The following LDAH variants were observed in gnomAD, a reference collection of about 807,000 sequenced individuals.
LDAH encodes the protein lipid droplet-associated hydrolase.
A neutral mutation model predicts 29.6 loss-of-function variants in LDAH; 26 were observed. The ratio of observed to expected loss-of-function variants is 0.88; its 90% CI spans 0.64 to 1.22. The LOEUF (loss-of-function observed/expected upper bound fraction) is 1.22. Ranked by LOEUF, LDAH falls within the 50% of genes most tolerant of loss-of-function variation. LDAH has a pLI of 0.00. For missense variants in LDAH, 344 were observed against 387.3 expected (o/e 0.89, Z 0.94); for synonymous variants, 117 against 133.0 (o/e 0.88, Z 0.83).
At chr2:20,791,974 G>A (rs1255898767) in intron 2 of LDAH, among the ~76,000 whole-genome samples, 1 of 151,906 alleles carries the variant, frequency 6.6e-6, no homozygotes, top group East Asian at 1.9e-4. Context: ...GGACCATACT[G>A]TCTTAATTAC....
chr2:20,771,384 CAA>C (rs1669402399), intron 4 of LDAH, among the ~76,000 whole-genome samples: 2 of 152,292 alleles, frequency 1.3e-5, no homozygotes, highest in Admixed American at 1.3e-4. Flanking sequence ...GATGGAAACA[CAA>C]GTTTCTTATT....
chr2:20,783,996 T>C (rs1341154067), intron 3 of LDAH, among the ~76,000 whole-genome samples: 7 of 152,170 alleles, frequency 4.6e-5, no homozygotes, highest in Non-Finnish European at 1.0e-4. Flanking sequence ...TACGGGCGTG[T>C]ATAACTGTGC....
In LDAH at chr2:20,684,815, C is replaced by A. The variant is rs913880179; in HGVS notation, c.*2088G>T. The A allele has an allele frequency of 7.3e-6, 11 of 1,510,246 alleles. No homozygotes were observed. In the Middle Eastern group the frequency reaches 1.9e-3, roughly 258 times the overall value. 93.6% of individuals were successfully genotyped at this position (1,510,246 alleles called of 1,614,324 possible). On this transcript the variant is annotated 3_prime_UTR_variant, in exon 7 of 7. Coordinates refer to ENST00000237822, the MANE Select transcript of LDAH (RefSeq NM_021925.4). Reference sequence around the variant, plus strand: ...CATCCATGTGGTTGACTGGGACATACAGGCAGAGCTGCTTCTGGAAAATGG... The same window carrying A: ...CATCCATGTGGTTGACTGGGACATAAAGGCAGAGCTGCTTCTGGAAAATGG...
intron 3 of LDAH, among the ~76,000 whole-genome samples, chr2:20,776,348 G>A (rs1469663000): frequency 6.6e-6 from 1 of 152,098 alleles, no homozygotes; most frequent in Non-Finnish European, 1.5e-5. Context: ...GATGTGAGGA[G>A]TAAAGTGGCT....
In LDAH at chr2:20,774,867, G is replaced by A; in HGVS notation, c.411C>T (p.Gly137=). The change falls in exon 4 of 7, where the codon GGC becomes GGT. Residue 137 remains glycine, a synonymous_variant. Coordinates refer to ENST00000237822, the MANE Select transcript of LDAH (RefSeq NM_021925.4). ...GTGTGAAATAGCTGCCTATTGAATG[G>A]CCAATGAGCACAAGTTTCATGTCCT... The part of the protein sequence containing the change: ...VPKDMKLVLI[G]HSIGSYFTLQ... The A allele has an allele frequency of 1.2e-6, 2 of 1,613,528 alleles. No homozygotes were observed. The highest frequency in any genetic ancestry group is 1.7e-6 in the Non-Finnish European group (2 of 1,179,964).
chr2:20,800,202 C>T (rs1459147726), intron 2 of LDAH, among the ~76,000 whole-genome samples: 1 of 152,142 alleles, frequency 6.6e-6, no homozygotes, highest in East Asian at 1.9e-4. Flanking sequence ...TAGGAAAGCC[C>T]TCTCTAAGAA....
intron 4 of LDAH, among the ~76,000 whole-genome samples, chr2:20,749,630 A>T (rs1354293540): frequency 6.6e-6 from 1 of 152,226 alleles, no homozygotes; most frequent in Non-Finnish European, 1.5e-5. Flanking sequence ...ACTGGAAGGC[A>T]AAGAGTACAG....
intron 6 of LDAH, among the ~76,000 whole-genome samples, chr2:20,690,115 G>A (rs1177216344): frequency 6.6e-6 from 1 of 152,172 alleles, no homozygotes; most frequent in African/African-American, 2.4e-5. Flanking sequence ...AGCTTGATAA[G>A]CCCTCAGCAC....
chr2:20,743,601 T>G (rs1316497354), intron 4 of LDAH, among the ~76,000 whole-genome samples: 2 of 152,160 alleles, frequency 1.3e-5, no homozygotes, highest in African/African-American at 4.8e-5. Context: ...TTGAACAAAC[T>G]TATCAGTTAG....
chr2:20,697,873 C>T (rs763653268), intron 6 of LDAH, among the ~76,000 whole-genome samples: 14 of 152,080 alleles, frequency 9.2e-5, no homozygotes, highest in Non-Finnish European at 2.1e-4. Context: ...ATTAGTAATG[C>T]CTATATTTTG....
chr2:20,714,369 C>A (rs1226000535), intron 5 of LDAH, among the ~76,000 whole-genome samples: 1 of 152,176 alleles, frequency 6.6e-6, no homozygotes, highest in Non-Finnish European at 1.5e-5. Context: ...ATCTCTGGGA[C>A]ACATTTAAAG....
chr2:20,769,621 T>G (rs563746863), intron 4 of LDAH, among the ~76,000 whole-genome samples: 1 of 152,348 alleles, frequency 6.6e-6, no homozygotes, highest in South Asian at 2.1e-4. Flanking sequence ...AAAACATATA[T>G]GATCTAACAT....
At chr2:20,700,895 C>G (rs1367218611) in intron 6 of LDAH, among the ~76,000 whole-genome samples, 1 of 152,094 alleles carries the variant, frequency 6.6e-6, no homozygotes, top group African/African-American at 2.4e-5. Flanking sequence ...TAAGGCTAGC[C>G]ACAAATAACC....
intron 4 of LDAH, among the ~76,000 whole-genome samples, chr2:20,747,261 T>C (rs1400668532): frequency 6.6e-6 from 1 of 152,168 alleles, no homozygotes; most frequent in Non-Finnish European, 1.5e-5. Context: ...TATGACTAAG[T>C]GAAGCTGCGA....
chr2:20,749,904 T>C (rs1413749543), intron 4 of LDAH, among the ~76,000 whole-genome samples: 1 of 152,124 alleles, frequency 6.6e-6, no homozygotes, highest in Non-Finnish European at 1.5e-5. Context: ...CCTCCTCCCA[T>C]TTACTCCCAG....
At chr2:20,743,988 T>C (rs1667394356) in intron 4 of LDAH, among the ~76,000 whole-genome samples, 1 of 151,994 alleles carries the variant, frequency 6.6e-6, no homozygotes, top group South Asian at 2.1e-4. Context: ...TTCAATCTAC[T>C]GATAAGCCCA....
chr2:20,712,564 G>A (rs953665778), intron 5 of LDAH, among the ~76,000 whole-genome samples: 3 of 152,232 alleles, frequency 2.0e-5, no homozygotes, highest in Non-Finnish European at 4.4e-5. Flanking sequence ...GTAGGCTTCT[G>A]AAGGTCGGTA....
At chr2:20,756,081 G>C (rs749030090) in intron 4 of LDAH, among the ~76,000 whole-genome samples, 2 of 151,910 alleles carry the variant, frequency 1.3e-5, no homozygotes, top group Middle Eastern at 3.4e-3. Flanking sequence ...ACCCAGGCTA[G>C]AGTGTAGTGG....
chr2:20,820,470 A>G (rs1673185345), intron 1 of LDAH, among the ~76,000 whole-genome samples: 1 of 152,170 alleles, frequency 6.6e-6, no homozygotes, highest in South Asian at 2.1e-4. Flanking sequence ...ACACATCTAC[A>G]ACTATCTGAT....
Sources: gnomAD v4.1 joint callset for allele counts (sites outside exome capture counted in the v4.1 genomes callset) on GRCh38, gnomAD v4.1.1 for gene constraint, MANE v1.5 for transcripts, NCBI Gene and HGNC (gene_info 2026-07-23, HGNC 2026-07-21) for gene names.